ERC2: variants seen among roughly 807,000 people sequenced by gnomAD.
ERC2 encodes the protein ERC protein 2.
ERC2 carries 42 observed loss-of-function variants against 114.8 expected under a neutral mutation model. The observed-to-expected ratio is 0.37, with a 90% CI of 0.29 to 0.47. ERC2 has a LOEUF of 0.47. ERC2 is among the 20% of genes least tolerant of loss of function. The pLI, the probability that ERC2 is intolerant of heterozygous loss-of-function variation, is 0.99. For missense variants in ERC2, 939 were observed against 1,150.7 expected (o/e 0.82, Z 2.66); for synonymous variants, 454 against 425.5 (o/e 1.07, Z -0.82).
At chr3:55,997,910 G>A (rs1334553958) in intron 10 of ERC2, among the ~76,000 whole-genome samples, 2 of 20,288 alleles carry the variant, frequency 9.9e-5, no homozygotes, top group Non-Finnish European at 1.9e-4. Context: ...TTTTTTTTGT[G>A]TGTGTGTGTG....
chr3:56,462,712 C>T (rs1292536389), intron 1 of ERC2, among the ~76,000 whole-genome samples: 2 of 152,164 alleles, frequency 1.3e-5, no homozygotes, highest in African/African-American at 2.4e-5. Flanking sequence ...ATGTTCTCAC[C>T]TGCAAAATAG....
chr3:56,289,554 A>G (rs1363747506), intron 3 of ERC2, among the ~76,000 whole-genome samples: 1 of 152,078 alleles, frequency 6.6e-6, no homozygotes, highest in South Asian at 2.1e-4. Context: ...GCTCAGCTTT[A>G]TTTCCTTCCC....
At chr3:55,616,336 C>T (rs1316467718) in intron 17 of ERC2, among the ~76,000 whole-genome samples, 3 of 152,068 alleles carry the variant, frequency 2.0e-5, no homozygotes, top group African/African-American at 7.2e-5. Flanking sequence ...GTACAATGGC[C>T]AGTTGTGGAA....
intron 7 of ERC2, among the ~76,000 whole-genome samples, chr3:56,069,912 C>T (rs1227560563): frequency 6.6e-6 from 1 of 152,128 alleles, no homozygotes; most frequent in Non-Finnish European, 1.5e-5. Flanking sequence ...GTAGTATAAT[C>T]AGGTGAGTAC....
intron 3 of ERC2, among the ~76,000 whole-genome samples, chr3:56,202,726 C>T (rs779099058): frequency 3.3e-5 from 5 of 151,922 alleles, no homozygotes; most frequent in Non-Finnish European, 7.4e-5. Flanking sequence ...ATGTATGGAA[C>T]CTAAAGAAGT....
chr3:56,214,094 C>T (rs375169150), intron 3 of ERC2, among the ~76,000 whole-genome samples: 4 of 152,172 alleles, frequency 2.6e-5, no homozygotes, highest in South Asian at 2.1e-4. Flanking sequence ...AAACTCAGAG[C>T]GCCTCTCCTC....
chr3:56,447,627 G>T (rs527742743), intron 1 of ERC2, among the ~76,000 whole-genome samples: 1 of 151,688 alleles, frequency 6.6e-6, no homozygotes. Context: ...AAAATATAGA[G>T]ATTATATTAT....
intron 3 of ERC2, among the ~76,000 whole-genome samples, chr3:56,223,634 T>C (rs2050069517): frequency 6.6e-6 from 1 of 152,114 alleles, no homozygotes. Context: ...CTCCCCTTTT[T>C]TAAAATCCCT....
At chr3:55,576,011 A>G (rs778421654) in intron 17 of ERC2, among the ~76,000 whole-genome samples, 6 of 152,184 alleles carry the variant, frequency 3.9e-5, no homozygotes, top group Non-Finnish European at 5.9e-5. Flanking sequence ...ATTTACCTCT[A>G]TAAAATTCTC....
At chr3:56,174,316 C>G (rs1036297782) in intron 3 of ERC2, among the ~76,000 whole-genome samples, 2 of 152,176 alleles carry the variant, frequency 1.3e-5, no homozygotes, top group Non-Finnish European at 2.9e-5. Context: ...GAAAAGTTGT[C>G]TTAGCAGAAG....
In ERC2 at chr3:56,263,374, AG is replaced by A. The variant is rs202025451; in HGVS notation, c.1074+32644del. ...TACAGTGAAATTAAAAAAAAAAAAA[AG>A]CCATGAGAATCACCTCCCAAAAATA... On this transcript the variant is annotated intron_variant, in intron 3 of 17. Coordinates refer to ENST00000288221, the MANE Select transcript of ERC2 (RefSeq NM_015576.3). Among the ~76,000 whole-genome samples, 739 of 148,358 alleles carry A rather than the reference AG, an allele frequency of 5.0e-3. 2 individuals carry two copies. Among genetic ancestry groups the A allele is most frequent in the African/African-American group, 0.012 (500 of 40,810 alleles).
At chr3:55,786,765 C>T (rs2069532059) in intron 14 of ERC2, among the ~76,000 whole-genome samples, 1 of 152,044 alleles carries the variant, frequency 6.6e-6, no homozygotes, top group African/African-American at 2.4e-5. Context: ...AGTATTGGCT[C>T]CAGGTTTTGG....
intron 2 of ERC2, among the ~76,000 whole-genome samples, chr3:56,347,911 C>T (rs2058369200): frequency 6.6e-6 from 1 of 152,182 alleles, no homozygotes; most frequent in African/African-American, 2.4e-5. Flanking sequence ...TAAATGCTCT[C>T]TGTTGAAGTA....
intron 16 of ERC2, among the ~76,000 whole-genome samples, chr3:55,691,152 G>A (rs931699874): frequency 1.3e-5 from 2 of 152,114 alleles, no homozygotes; most frequent in South Asian, 4.1e-4. Context: ...AATCACATAT[G>A]CCGTCTGGCT....
intron 13 of ERC2, among the ~76,000 whole-genome samples, chr3:55,889,437 A>G (rs747915768): frequency 6.6e-6 from 1 of 152,200 alleles, no homozygotes; most frequent in Non-Finnish European, 1.5e-5. Context: ...TAACTTTTAT[A>G]GGGTGCTAAT....
intron 8 of ERC2, among the ~76,000 whole-genome samples, chr3:56,015,841 C>CT (rs905954158): frequency 7.9e-5 from 12 of 152,266 alleles, no homozygotes; most frequent in African/African-American, 2.6e-4. Flanking sequence ...AAAAGCATTC[C>CT]TTTTTCTGCC....
intron 17 of ERC2, among the ~76,000 whole-genome samples, chr3:55,599,164 AC>A (rs2058286419): frequency 6.6e-6 from 1 of 151,826 alleles, no homozygotes; most frequent in South Asian, 2.1e-4. Flanking sequence ...AATAACTATA[AC>A]CTCCCCTGTG....
intron 17 of ERC2, among the ~76,000 whole-genome samples, chr3:55,677,801 T>C (rs1043833790): frequency 6.6e-5 from 10 of 152,136 alleles, no homozygotes; most frequent in Non-Finnish European, 1.2e-4. Context: ...TACATCCACA[T>C]TGAAGCCTAT....
chr3:55,686,202 C>T (rs753414283), intron 16 of ERC2, among the ~76,000 whole-genome samples: 19 of 152,094 alleles, frequency 1.2e-4, no homozygotes, highest in Non-Finnish European at 2.6e-4. Context: ...ATGTTCAGAT[C>T]GACATCTTGT....
Sources: allele counts gnomAD v4.1 joint callset (sites outside exome capture counted in the v4.1 genomes callset), GRCh38; gene constraint gnomAD v4.1.1; transcripts MANE v1.5; gene names NCBI Gene and HGNC (gene_info 2026-07-23, HGNC 2026-07-21).